Variants in BTBD9 observed in about 807,000 individuals in gnomAD.
BTBD9 encodes BTB/POZ domain-containing protein 9.
Under a neutral mutation model 64.3 loss-of-function variants are expected in BTBD9, and 49 were observed. The observed-to-expected ratio is 0.76, with a 90% CI of 0.61 to 0.97. The LOEUF is 0.97. BTBD9 is among the 50% of genes least tolerant of loss of function. The pLI, the probability that BTBD9 is intolerant of heterozygous loss-of-function variation, is 0.00. For synonymous variants in BTBD9, 260 were observed against 274.7 expected, an observed-to-expected ratio of 0.95 and a Z score of 0.53; for missense variants, 598 against 762.1, an observed-to-expected ratio of 0.78 and a Z score of 2.53.
At chr6:38,373,686 C>T (rs1765517603) in intron 6 of BTBD9, among the ~76,000 whole-genome samples, 1 of 152,070 alleles carries the variant, frequency 6.6e-6, no homozygotes, top group Admixed American at 6.5e-5. Context: ...TGTGCACCAC[C>T]ACATCCAGCT....
rs181855648 is a variant in BTBD9, at chr6:38,581,983, A to G, written c.815-1546T>C. Reference sequence around the variant, plus strand: ...AGTACACATACATTTTGGTTGTGTGATTTGAATACGGGAAAGTCTGGGCTA... The same window carrying G: ...AGTACACATACATTTTGGTTGTGTGGTTTGAATACGGGAAAGTCTGGGCTA... On this transcript the variant is annotated intron_variant, in intron 4 of 10. Coordinates refer to ENST00000481247, the MANE Select transcript of BTBD9 (RefSeq NM_001099272.2). Among the ~76,000 whole-genome samples the G allele has an allele frequency of 5.3e-3, 815 of 152,360 alleles. 5 individuals are homozygous for G. The highest frequency in any genetic ancestry group is 9.0e-3 in the Non-Finnish European group (612 of 68,036).
chr6:38,606,123 C>T (rs985238989), intron 1 of BTBD9, among the ~76,000 whole-genome samples: 1 of 152,162 alleles, frequency 6.6e-6, no homozygotes, highest in African/African-American at 2.4e-5. Context: ...AGTGGTTTGT[C>T]AGGGGCTCTC....
chr6:38,285,491 C>T lies in BTBD9; in HGVS notation c.1454+2781G>A, dbSNP rs187347682. Among the ~76,000 whole-genome samples the T allele has an allele frequency of 2.6e-5, 4 of 151,476 alleles. No individual in the cohort carries two copies. The South Asian group carries it at 6.3e-4, about 24-fold the overall frequency. On this transcript the variant is annotated intron_variant, in intron 8 of 10. Coordinates refer to ENST00000481247, the MANE Select transcript of BTBD9 (RefSeq NM_001099272.2). ...ATTTTAGGCATCTTGGTTTGAGATG[C>T]GCATAGAACACTGTTAGATGGTGGC...
chr6:38,332,750 T>C (rs919154538), intron 7 of BTBD9, among the ~76,000 whole-genome samples: 4 of 152,226 alleles, frequency 2.6e-5, no homozygotes, highest in African/African-American at 9.6e-5. Context: ...ATTAAATTTA[T>C]ACATTAAAAT....
chr6:38,538,698 C>T (rs186828182), intron 6 of BTBD9, among the ~76,000 whole-genome samples: 74 of 152,248 alleles, frequency 4.9e-4, no homozygotes, highest in Admixed American at 4.6e-3. Flanking sequence ...ACCTCAAACA[C>T]TTGGGCTAAA....
At chr6:38,487,594 AGAGAGAGAG>A (rs1562252332) in intron 6 of BTBD9, among the ~76,000 whole-genome samples, 1,265 of 39,244 alleles carry the variant, frequency 0.032, 18 homozygotes, top group African/African-American at 0.085. Context: ...AGAGTCAGCG[AGAGAGAGAG>A]AGAGAGAGAG....
chr6:38,374,307 G>GTATATATATATATGTGTATATA (rs1582317684), intron 6 of BTBD9, among the ~76,000 whole-genome samples: 16 of 59,092 alleles, frequency 2.7e-4, no homozygotes, highest in African/African-American at 1.1e-3. Flanking sequence ...GTATATATAT[G>GTATATATATATATGTGTATATA]TATATATATA....
intron 6 of BTBD9, among the ~76,000 whole-genome samples, chr6:38,531,953 C>T (rs1190270933): frequency 6.6e-6 from 1 of 152,172 alleles, no homozygotes; most frequent in Non-Finnish European, 1.5e-5. Flanking sequence ...CAACTATCTA[C>T]ACAGAAAAAG....
chr6:38,220,468 G>A (rs1458227130), intron 9 of BTBD9, among the ~76,000 whole-genome samples: 1 of 152,176 alleles, frequency 6.6e-6, no homozygotes, highest in Non-Finnish European at 1.5e-5. Flanking sequence ...AATCCTTTCT[G>A]CATGGTTTGA....
intron 7 of BTBD9, among the ~76,000 whole-genome samples, chr6:38,339,475 A>G (rs1406090988): frequency 6.6e-6 from 1 of 151,982 alleles, no homozygotes; most frequent in African/African-American, 2.4e-5. Context: ...TCTCAAGAAA[A>G]AGAAAAAGAA....
intron 6 of BTBD9, among the ~76,000 whole-genome samples, chr6:38,551,391 T>C (rs972332134): frequency 2.6e-5 from 4 of 152,144 alleles, no homozygotes; most frequent in Admixed American, 2.6e-4. Flanking sequence ...TTTGGTTTGG[T>C]TGGAGCTTAG....
chr6:38,545,855 T>TACATAC (rs1774527799), intron 6 of BTBD9, among the ~76,000 whole-genome samples: 1 of 130,594 alleles, frequency 7.7e-6, no homozygotes, highest in East Asian at 2.4e-4. Flanking sequence ...CACACACACA[T>TACATAC]ACACACACAC....
intron 7 of BTBD9, among the ~76,000 whole-genome samples, chr6:38,322,499 A>T (rs1195740714): frequency 6.6e-6 from 1 of 152,218 alleles, no homozygotes; most frequent in Non-Finnish European, 1.5e-5. Context: ...CAATTGGGGA[A>T]CCATTTTACA....
intron 10 of BTBD9, among the ~76,000 whole-genome samples, chr6:38,182,343 C>T (rs1353099291): frequency 6.6e-6 from 1 of 152,194 alleles, no homozygotes; most frequent in Non-Finnish European, 1.5e-5. Flanking sequence ...TCCAGAGTTC[C>T]AGGGAGAGAG....
chr6:38,448,351 T>C (rs1369285446), intron 6 of BTBD9, among the ~76,000 whole-genome samples: 1 of 151,972 alleles, frequency 6.6e-6, no homozygotes, highest in Non-Finnish European at 1.5e-5. Context: ...CGGTGGGAGA[T>C]AAATATTTTT....
chr6:38,586,850 G>A (rs1450353388), intron 4 of BTBD9, among the ~76,000 whole-genome samples: 1 of 151,764 alleles, frequency 6.6e-6, no homozygotes, highest in Non-Finnish European at 1.5e-5. Flanking sequence ...ATCACCTGAG[G>A]TCAGGAGTTC....
intron 9 of BTBD9, among the ~76,000 whole-genome samples, chr6:38,225,074 T>C (rs895083680): frequency 1.3e-5 from 2 of 152,204 alleles, no homozygotes; most frequent in African/African-American, 4.8e-5. Context: ...CAGGAAGATA[T>C]GAAAAAGCAT....
intron 6 of BTBD9, among the ~76,000 whole-genome samples, chr6:38,567,571 G>A (rs13219395): frequency 0.085 from 12,945 of 152,202 alleles, 685 homozygotes; most frequent in Middle Eastern, 0.18. Context: ...TGCTACCACC[G>A]TTCCTTGCAG....
intron 9 of BTBD9, among the ~76,000 whole-genome samples, chr6:38,250,503 A>G (rs1347798277): frequency 6.6e-6 from 1 of 152,248 alleles, no homozygotes; most frequent in Non-Finnish European, 1.5e-5. Context: ...GATCCAACCA[A>G]TTACTAGATC....
Sources: allele counts gnomAD v4.1 joint callset (sites outside exome capture counted in the v4.1 genomes callset), GRCh38; gene constraint gnomAD v4.1.1; transcripts MANE v1.5; gene names NCBI Gene and HGNC (gene_info 2026-07-23, HGNC 2026-07-21).